GPR21: variants seen among roughly 807,000 people sequenced by gnomAD.
GPR21 encodes the protein probable G protein-coupled receptor 21.
GPR21 carries 9 observed loss-of-function variants against 21.5 expected under a neutral mutation model. The ratio of observed to expected loss-of-function variants is 0.42; its 90% CI spans 0.25 to 0.73. GPR21 has a LOEUF of 0.73. Ranked by LOEUF, GPR21 falls within the 30% of genes least tolerant of loss-of-function variation. The pLI, the probability that GPR21 is intolerant of heterozygous loss-of-function variation, is 0.27. For synonymous variants in GPR21, 169 were observed against 159.3 expected (o/e 1.06, Z -0.46); for missense variants, 416 against 428.9 (o/e 0.97, Z 0.27).
Position 123,034,971 on chromosome 9 carries a change from A to G in GPR21, c.405A>G (p.Leu135=), listed in dbSNP as rs775951075. ...GATACATTGCCATTACTAAACCTTT[A>G]ACCTATAATACTCTGGTTACACCCT... ...IDRYIAITKP[L]TYNTLVTPWR... The change falls in exon 2 of 2, where the codon TTA becomes TTG. Residue 135 remains leucine (L), a synonymous_variant. Coordinates refer to ENST00000616002, the MANE Select transcript of GPR21 (RefSeq NM_005294.3). The G allele has an allele frequency of 1.9e-6, 3 of 1,613,850 alleles. No individual in the cohort carries two copies. The highest frequency in any genetic ancestry group is 2.5e-6 in the Non-Finnish European group (3 of 1,179,774).
downstream of GPR21, among the ~76,000 whole-genome samples, chr9:123,036,426 C>A (rs1022784304): frequency 6.6e-6 from 1 of 152,176 alleles, no homozygotes; most frequent in African/African-American, 2.4e-5. Flanking sequence ...TCTTTTACAG[C>A]AAAATGTGCT....
chr9:123,041,750 C>G, the GPR21 span, among the ~76,000 whole-genome samples: 1 of 151,992 alleles, frequency 6.6e-6, no homozygotes, highest in African/African-American at 2.4e-5. Context: ...GGAAGAGGAG[C>G]AAAAAGAAAC....
downstream of GPR21, among the ~76,000 whole-genome samples, chr9:123,036,874 A>G (rs369151656): frequency 6.0e-5 from 9 of 151,130 alleles, no homozygotes; most frequent in Middle Eastern, 3.2e-3. Context: ...TAATTCTTCT[A>G]TAGAATTATT....
the GPR21 span, among the ~76,000 whole-genome samples, chr9:123,040,945 A>G: frequency 3.3e-5 from 5 of 152,062 alleles, no homozygotes; most frequent in Non-Finnish European, 7.4e-5. Context: ...TGGGTTATCT[A>G]TTTATGGTAA....
downstream of GPR21, among the ~76,000 whole-genome samples, chr9:123,039,478 C>A (rs1229651939): frequency 6.6e-6 from 1 of 152,134 alleles, no homozygotes; most frequent in Non-Finnish European, 1.5e-5. Context: ...CTTCTCCCTT[C>A]TGTAAGGTAT....
In GPR21 at chr9:123,035,472, A is replaced by G; in HGVS notation, c.906A>G (p.Val302=). The stretch of plus-strand genomic sequence containing the variant: ...TTAGTAACAGTTTCTGCAACTGTGT[A>G]ATTTATAGTCTCTCCAACAGTGTAT... ...LAISNSFCNC[V]IYSLSNSVFQ... The change falls in exon 2 of 2, where the codon GTA becomes GTG. Residue 302 remains valine (V), a synonymous_variant. Transcript: ENST00000616002. 1 of 1,614,016 alleles carries G rather than the reference A, an allele frequency of 6.2e-7. No individual in the cohort carries two copies. The highest frequency in any genetic ancestry group is 8.5e-7 in the Non-Finnish European group (1 of 1,179,940).
At chr9:123,048,559 C>T in the GPR21 span, among the ~76,000 whole-genome samples, 1 of 152,140 alleles carries the variant, frequency 6.6e-6, no homozygotes, top group African/African-American at 2.4e-5. Context: ...ACGTATTAAG[C>T]TGTACTAAGA....
downstream of GPR21, among the ~76,000 whole-genome samples, chr9:123,039,453 T>C (rs1366205409): frequency 6.6e-6 from 1 of 152,198 alleles, no homozygotes; most frequent in Non-Finnish European, 1.5e-5. Flanking sequence ...AATTATTGCA[T>C]GTAGTCACAC....
the GPR21 span, among the ~76,000 whole-genome samples, chr9:123,045,652 T>C: frequency 6.6e-6 from 1 of 152,186 alleles, no homozygotes; most frequent in African/African-American, 2.4e-5. Flanking sequence ...TTATAGGAGT[T>C]GGTTTAAGAT....
At chr9:123,038,864 A>T (rs1463292732), downstream of GPR21, among the ~76,000 whole-genome samples, 1 of 152,102 alleles carries the variant, frequency 6.6e-6, no homozygotes, top group African/African-American at 2.4e-5. Context: ...AAAGGGCATC[A>T]TATAGTAAAA....
chr9:123,042,200 G>C, the GPR21 span, among the ~76,000 whole-genome samples: 1 of 152,194 alleles, frequency 6.6e-6, no homozygotes, highest in South Asian at 2.1e-4. Context: ...TCTCGGGGCT[G>C]ACATTTGAGG....
the GPR21 span, among the ~76,000 whole-genome samples, chr9:123,047,379 A>G: frequency 3.9e-5 from 6 of 152,306 alleles, no homozygotes; most frequent in African/African-American, 1.4e-4. Flanking sequence ...GTTGTCTAGT[A>G]ACTTTTAAAG....
At chr9:123,046,543 C>CGATT in the GPR21 span, among the ~76,000 whole-genome samples, 1 of 152,162 alleles carries the variant, frequency 6.6e-6, no homozygotes, top group African/African-American at 2.4e-5. Flanking sequence ...AGTACATAAT[C>CGATT]GTTCTAAGTC....
At chr9:123,043,297 TGCAGGAGACCTAGAGA>T in the GPR21 span, among the ~76,000 whole-genome samples, 3 of 152,134 alleles carry the variant, frequency 2.0e-5, no homozygotes, top group Non-Finnish European at 2.9e-5. Context: ...AAAGCAACTA[TGCAGGAGACCTAGAGA>T]GCAGCCAGTC....
the GPR21 span, among the ~76,000 whole-genome samples, chr9:123,047,919 G>GCT: frequency 1.6e-5 from 1 of 62,252 alleles, no homozygotes; most frequent in Non-Finnish European, 3.6e-5. Flanking sequence ...CAGCTGCTGG[G>GCT]TTTTTTTTTT....
the GPR21 span, among the ~76,000 whole-genome samples, chr9:123,044,915 G>A: frequency 3.9e-5 from 6 of 152,044 alleles, no homozygotes; most frequent in East Asian, 1.2e-3. Flanking sequence ...CAGAATTAAA[G>A]GAACCCAAAG....
chr9:123,040,391 G>A (rs644490), downstream of GPR21, among the ~76,000 whole-genome samples: 94,935 of 152,150 alleles, frequency 0.62, 36,778 homozygotes, highest in Non-Finnish European at 0.86. Context: ...AGCTTGCTTG[G>A]TGGGAATGGA....
the GPR21 span, among the ~76,000 whole-genome samples, chr9:123,043,368 A>G: frequency 6.6e-6 from 1 of 152,300 alleles, no homozygotes; most frequent in African/African-American, 2.4e-5. Flanking sequence ...GTATGTCTCT[A>G]GGAAAATATA....
At position 123,035,568 on chromosome 9, in the gene GPR21, C is replaced by G; in HGVS notation, c.1002C>G (p.Asp334Glu). 1.2e-6 allele frequency: 2 copies of G among 1,609,682 alleles called. No homozygotes were observed. The highest frequency in any genetic ancestry group is 1.7e-6 in the Non-Finnish European group (2 of 1,178,824). Residue 334 changes from aspartate to glutamate, a missense_variant, in exon 2 of 2, where the codon GAC becomes GAG. Coordinates refer to ENST00000616002, the MANE Select transcript of GPR21 (RefSeq NM_005294.3). ...TSCASQTTANDPYTVRSKGPL... is the reference protein window; with the variant it reads ...TSCASQTTANEPYTVRSKGPL... ...GTGCAAGTCAGACTACAGCCAACGA[C>G]CCTTACACAGTTAGAAGCAAAGGCC...
Sources: allele counts gnomAD v4.1 joint callset (sites outside exome capture counted in the v4.1 genomes callset), GRCh38; gene constraint gnomAD v4.1.1; transcripts MANE v1.5; gene names NCBI Gene and HGNC (gene_info 2026-07-23, HGNC 2026-07-21).